ERCC2: variants seen among roughly 807,000 people sequenced by gnomAD.
ERCC2 encodes the protein ERCC excision repair 2, TFIIH core complex helicase subunit.
ERCC2 carries 90 observed loss-of-function variants against 99.4 expected under a neutral mutation model. The ratio of observed to expected loss-of-function variants is 0.91; its 90% CI spans 0.76 to 1.08. ERCC2 has a LOEUF of 1.08. Ranked by LOEUF, ERCC2 falls within the 50% of genes least tolerant of loss-of-function variation. The pLI is 0.00. For missense variants in ERCC2, 993 were observed against 1,038.1 expected (o/e 0.96, Z 0.60); for synonymous variants, 497 against 432.4 (o/e 1.15, Z -1.85).
chr19:45,365,503 C>A (rs1282439450), intron 5 of ERCC2, among the ~76,000 whole-genome samples: 1 of 152,054 alleles, frequency 6.6e-6, no homozygotes, highest in Admixed American at 6.6e-5. Flanking sequence ...CCCAGTTACT[C>A]GGGAGGCTGA....
chr19:45,370,246 C>A lies in ERCC2; in HGVS notation c.6-14G>T. On this transcript the variant is annotated splice_polypyrimidine_tract_variant and intron_variant, in intron 1 of 22. Transcript: ENST00000391945. ...TCCACGTTGAGCCTGGCGGCAGGGG[C>A]TGCTGGGTCAGTTCCCGTCCCCTCA... The A allele has an allele frequency of 6.2e-7, 1 of 1,612,890 alleles. No homozygotes were observed. Among genetic ancestry groups the A allele is most frequent in the Non-Finnish European group, 8.5e-7 (1 of 1,179,320 alleles).
At chr19:45,370,292 G>A (rs1401866594) in intron 1 of ERCC2, 60 bp from the exon 2 acceptor site, 4 of 1,589,894 alleles carry the variant, frequency 2.5e-6, no homozygotes, top group Non-Finnish European at 3.4e-6. Flanking sequence ...CGCCTCCACA[G>A]TGCCCGGTCG....
At chr19:45,363,661 T>A in intron 11 of ERCC2, 82 bp downstream of exon 11, 1 of 1,426,212 alleles carries the variant, frequency 7.0e-7, no homozygotes, top group Non-Finnish European at 9.4e-7. Context: ...AGTGGTGACC[T>A]GGGGCTACAG....
Position 45,351,391 on chromosome 19 carries a change from G to T in ERCC2, c.*238C>A. 1 of 1,606,420 alleles carries T rather than the reference G, an allele frequency of 6.2e-7. No individual in the cohort carries two copies. Among genetic ancestry groups the T allele is most frequent in the Non-Finnish European group, 8.5e-7 (1 of 1,179,844 alleles). On this transcript the variant is annotated 3_prime_UTR_variant, in exon 23 of 23. Coordinates refer to ENST00000391945, the MANE Select transcript of ERCC2 (RefSeq NM_000400.4). The stretch of plus-strand genomic sequence containing the variant: ...GAACTGCGCTGGCCGCAGCTTCTTG[G>T]GAACAGTGCAGGAGGGATGGGCTGG...
In ERCC2 at chr19:45,355,696, G is replaced by C; in HGVS notation, c.1512C>G (p.Ile504Met). Residue 504 changes from isoleucine (I) to methionine (M), a missense_variant, in exon 16 of 23, where the codon ATC becomes ATG. Coordinates refer to ENST00000391945, the MANE Select transcript of ERCC2 (RefSeq NM_000400.4). ...IIGRGNDQVA[I>M]SSKFETREDI... ...CCTCCCGGGTCTCAAATTTGGAGCTGATGGCCACCTGGTCATTGCCACGGC... is the reference window on the plus strand; with the variant it reads ...CCTCCCGGGTCTCAAATTTGGAGCTCATGGCCACCTGGTCATTGCCACGGC... 6.2e-7 allele frequency: 1 copy of C among 1,614,186 alleles called. No individual in the cohort carries two copies. Among genetic ancestry groups the C allele is most frequent in the Non-Finnish European group, 8.5e-7 (1 of 1,180,030 alleles).
intron 5 of ERCC2, among the ~76,000 whole-genome samples, chr19:45,365,466 C>T (rs1196632104): frequency 6.6e-6 from 1 of 152,092 alleles, no homozygotes; most frequent in Non-Finnish European, 1.5e-5. Flanking sequence ...AATACATTAG[C>T]CAGGCGTGGT....
At position 45,350,835 on chromosome 19, in the gene ERCC2, T is replaced by G; in HGVS notation, c.*794A>C. The G allele has an allele frequency of 1.4e-6, 1 of 734,934 alleles. No homozygotes were observed. Among genetic ancestry groups the G allele is most frequent in the Non-Finnish European group, 2.0e-6 (1 of 499,828 alleles). 45.5% of individuals were successfully genotyped at this position (734,934 alleles called of 1,614,324 possible). The stretch of plus-strand genomic sequence containing the variant: ...CCCACCCCCATCTTGCTCAAGAACC[T>G]TCCATGGCTCCCATCTCCCCTGTGA... On this transcript the variant is annotated 3_prime_UTR_variant, in exon 23 of 23. Transcript: ENST00000391945.
Position 45,351,243 on chromosome 19 carries a change from G to C in ERCC2, c.*386C>G. 6.4e-7 allele frequency: 1 copy of C among 1,571,250 alleles called. No homozygotes were observed. Among genetic ancestry groups the C allele is most frequent in the Non-Finnish European group, 8.6e-7 (1 of 1,157,362 alleles). On this transcript the variant is annotated 3_prime_UTR_variant, in exon 23 of 23. Transcript: ENST00000391945. ...GAGCTGGAGGGTGGATGTAACACTTGCCCCTCACCTCCCCTCCAACCATCC... is the reference window on the plus strand; with the variant it reads ...GAGCTGGAGGGTGGATGTAACACTTCCCCCTCACCTCCCCTCCAACCATCC...
At position 45,349,949 on chromosome 19, in the gene ERCC2, T is replaced by G. The variant is rs1971637759; in HGVS notation, c.*1680A>C. 3 of 409,386 alleles carry G rather than the reference T, an allele frequency of 7.3e-6. No homozygotes were observed. The highest frequency in any genetic ancestry group is 4.2e-5 in the Admixed American group (1 of 23,866). The allele number at this position is 409,386 out of a possible 1,614,324, so 25.4% of individuals were successfully genotyped here. A position where few individuals can be genotyped will look rare whatever the true frequency, so the allele number is the denominator to read the frequency against. Reference sequence around the variant, plus strand: ...TGAGGTGGGAGCTGTCGCTCCACTTTGCGTGTGGGAAGACTGAGGCACCGA... The same window carrying G: ...TGAGGTGGGAGCTGTCGCTCCACTTGGCGTGTGGGAAGACTGAGGCACCGA... On this transcript the variant is annotated 3_prime_UTR_variant, in exon 23 of 23. Coordinates refer to ENST00000391945, the MANE Select transcript of ERCC2 (RefSeq NM_000400.4).
In ERCC2 at chr19:45,355,668, T is replaced by C. The variant is rs1354546164; in HGVS notation, c.1540A>G (p.Ile514Val). 6.2e-7 allele frequency: 1 copy of C among 1,613,808 alleles called. No individual in the cohort carries two copies. The highest frequency in any genetic ancestry group is 8.5e-7 in the Non-Finnish European group (1 of 1,179,850). Residue 514 changes from isoleucine (I) to valine (V), a missense_variant, in exon 16 of 23, where the codon ATT (isoleucine) becomes GTT (valine). This residue lies in a region of ERCC2 where 909 missense variants were observed against 930.8 expected (regional missense o/e 0.98). Coordinates refer to ENST00000391945, the MANE Select transcript of ERCC2 (RefSeq NM_000400.4). Reference protein sequence around the residue: ...ISSKFETREDIAVIRNYGNLL... With the variant: ...ISSKFETREDVAVIRNYGNLL... ...ACCAGCCCCACTGGCAGCATACCAA[T>C]ATCCTCCCGGGTCTCAAATTTGGAG...
intron 21 of ERCC2, 35 bp downstream of exon 21, chr19:45,352,463 TGGAGCCTG>T: frequency 1.2e-6 from 2 of 1,614,036 alleles, no homozygotes; most frequent in Non-Finnish European, 1.7e-6. Context: ...GCCTGGTTCT[TGGAGCCTG>T]GGATGGGAGC....
chr19:45,357,497 G>A lies in ERCC2; in HGVS notation c.1354C>T (p.Gln452Ter), dbSNP rs199643821. ...LAIKPVFERF[Q>*]SVIITSGTLS... ...ACCCCAGATGTGATGATGACAGACT[G>A]GAAACGCTCAAATACGGGTTTGATG... Residue 452 changes from glutamine (Q) to a stop codon, truncating the protein, a stop_gained, in exon 14 of 23, where the codon CAG (glutamine) becomes TAG (stop). Coordinates refer to ENST00000391945, the MANE Select transcript of ERCC2 (RefSeq NM_000400.4). LOFTEE classifies it high-confidence loss of function. The A allele has an allele frequency of 9.3e-6, 15 of 1,614,084 alleles. No homozygotes were observed. In the Admixed American group the frequency reaches 1.0e-4, roughly 11 times the overall value.
intron 14 of ERCC2, 42 bp from the exon 15 acceptor site, chr19:45,357,413 G>C (rs746699304): frequency 3.1e-6 from 5 of 1,608,584 alleles, no homozygotes; most frequent in Non-Finnish European, 4.3e-6. Context: ...GGACTGGGCA[G>C]GGACCAGGAG....
At chr19:45,358,901 G>A in intron 12 of ERCC2, 2 of 780,136 alleles carry the variant, frequency 2.6e-6, no homozygotes, top group East Asian at 4.8e-5. Context: ...CTTCCACAGT[G>A]CTGAGCCTGG....
rs369477332 is a variant in ERCC2 at position 45,364,023 on chromosome 19, G to A, written c.912C>T (p.His304=). The A allele has an allele frequency of 1.9e-6, 3 of 1,552,234 alleles. No homozygotes were observed. The highest frequency in any genetic ancestry group is 1.7e-6 in the Non-Finnish European group (2 of 1,149,716). The change falls in exon 10 of 23, where the codon CAC becomes CAT. Residue 304 remains histidine (H), a synonymous_variant. Transcript: ENST00000391945. ...CGTCGGGCAGCACGGGGTTGGCCAG[G>A]TGGGCGTCCGTCTCCCGGGCGGCGC... ...EASAARETDA[H]LANPVLPDEV...
chr19:45,369,178 C>T, intron 2 of ERCC2, 31 bp from the exon 3 acceptor site: 1 of 1,588,728 alleles, frequency 6.3e-7, no homozygotes, highest in Non-Finnish European at 8.6e-7. Flanking sequence ...GGGCAACACA[C>T]AGGGTCTCAG....
chr19:45,350,156 TCACGCTTGTAACCCCAA>T lies in ERCC2; in HGVS notation c.*1456_*1472del. ...AGAAAGTGGGGCCAGACGTGGTGGT[TCACGCTTGTAACCCCAA>T]CACTTTGGGAGGCCAAGGCAGGAGG... On this transcript the variant is annotated 3_prime_UTR_variant, in exon 23 of 23. Transcript: ENST00000391945. 1 of 598,000 alleles carries T rather than the reference TCACGCTTGTAACCCCAA, an allele frequency of 1.7e-6. No individual in the cohort carries two copies. The highest frequency in any genetic ancestry group is 3.0e-6 in the Non-Finnish European group (1 of 338,570). 37.0% of individuals were successfully genotyped at this position (598,000 alleles called of 1,614,324 possible). A position where few individuals can be genotyped will look rare whatever the true frequency, so the allele number is the denominator to read the frequency against.
At chr19:45,355,797 G>A (rs973830255) in intron 15 of ERCC2, 69 bp from the exon 16 acceptor site, 100 of 1,193,030 alleles carry the variant, frequency 8.4e-5, no homozygotes, top group Non-Finnish European at 1.1e-4. Context: ...CTGACCACCT[G>A]CTGGTGCTGT....
chr19:45,358,110 A>C, intron 12 of ERCC2: 3 of 295,018 alleles, frequency 1.0e-5, no homozygotes, highest in South Asian at 3.5e-5. Flanking sequence ...CAGTGGCATG[A>C]TCTCGGCTCA....
Sources: gnomAD v4.1 joint callset for allele counts (sites outside exome capture counted in the v4.1 genomes callset) on GRCh38, gnomAD v4.1.1 for gene constraint, gnomAD v4.1.1 regional missense constraint, MANE v1.5 for transcripts, NCBI Gene and HGNC (gene_info 2026-07-23, HGNC 2026-07-21) for gene names.